The following PDZRN3 variants were observed in gnomAD, a reference collection of about 807,000 sequenced individuals.
PDZRN3 encodes PDZ domain containing ring finger 3, also known as E3 ubiquitin-protein ligase PDZRN3.
PDZRN3 carries 38 observed loss-of-function variants against 85.7 expected under a neutral mutation model. That is an observed-to-expected ratio of 0.44 (90% CI 0.34 to 0.58). The LOEUF is 0.58. PDZRN3 is among the 20% of genes least tolerant of loss of function. PDZRN3 has a pLI of 0.01. For synonymous variants in PDZRN3, 759 were observed against 638.0 expected (o/e 1.19, Z -2.86); for missense variants, 1,629 against 1,506.4 (o/e 1.08, Z -1.35).
chr3:73,597,908 G>C (rs564139710), intron 3 of PDZRN3, among the ~76,000 whole-genome samples: 2 of 152,278 alleles, frequency 1.3e-5, no homozygotes, highest in East Asian at 3.9e-4. Context: ...CCATATGACA[G>C]TCAACTGAGA....
chr3:73,490,590 TAAATTC>T (rs1703751804), intron 3 of PDZRN3, among the ~76,000 whole-genome samples: 1 of 152,168 alleles, frequency 6.6e-6, no homozygotes, highest in Non-Finnish European at 1.5e-5. Context: ...TCTCCACCTA[TAAATTC>T]AAATGTGAGC....
chr3:73,433,953 C>T, intron 3 of PDZRN3: 8 of 1,351,866 alleles, frequency 5.9e-6, no homozygotes, highest in Non-Finnish European at 6.7e-6. Flanking sequence ...TACACACAGA[C>T]ATACACGCAC....
intron 3 of PDZRN3, among the ~76,000 whole-genome samples, chr3:73,564,795 G>A (rs1284944593): frequency 6.6e-6 from 1 of 152,188 alleles, no homozygotes; most frequent in African/African-American, 2.4e-5. Context: ...GTGACACTGG[G>A]CAAGCCTAAC....
At chr3:73,507,773 G>GT (rs752488950) in intron 3 of PDZRN3, among the ~76,000 whole-genome samples, 1 of 152,112 alleles carries the variant, frequency 6.6e-6, no homozygotes, top group Non-Finnish European at 1.5e-5. Flanking sequence ...ATTGGCAATT[G>GT]TAAGTCAGAC....
At chr3:73,501,794 C>T (rs1025694571) in intron 3 of PDZRN3, among the ~76,000 whole-genome samples, 1 of 152,106 alleles carries the variant, frequency 6.6e-6, no homozygotes, top group African/African-American at 2.4e-5. Flanking sequence ...GCGGGCAGAT[C>T]ACTTGAGGTC....
intron 1 of PDZRN3, among the ~76,000 whole-genome samples, chr3:73,617,596 G>A (rs545429631): frequency 2.0e-5 from 3 of 152,270 alleles, no homozygotes; most frequent in African/African-American, 7.2e-5. Context: ...GAATACATTT[G>A]GAAGAACTTC....
rs575730939 is a variant in PDZRN3 at position 73,585,567 on chromosome 3, C to T, written c.918+16787G>A. ...CCACCCCTTTGCCGCACCCCCACAC[C>T]CCCAGAAACCCTCAGAAAGTTCCAC... On this transcript the variant is annotated intron_variant, in intron 3 of 9. Coordinates refer to ENST00000263666, the MANE Select transcript of PDZRN3 (RefSeq NM_015009.3). 5.3e-5 allele frequency among the ~76,000 whole-genome samples: 8 copies of T among 152,264 alleles called. No individual in the cohort carries two copies. The South Asian group carries it at 1.2e-3, about 24-fold the overall frequency.
intron 5 of PDZRN3, among the ~76,000 whole-genome samples, chr3:73,399,220 A>G (rs2106715487): frequency 6.6e-6 from 1 of 152,340 alleles, no homozygotes; most frequent in East Asian, 1.9e-4. Flanking sequence ...TAGCTTCTGA[A>G]ACACTTTACA....
At chr3:73,585,310 G>A (rs147704374) in intron 3 of PDZRN3, among the ~76,000 whole-genome samples, 64 of 152,308 alleles carry the variant, frequency 4.2e-4, no homozygotes, top group African/African-American at 1.5e-3. Context: ...CAGCATAACT[G>A]TCATTCTATG....
At chr3:73,467,351 A>G (rs572934781) in intron 3 of PDZRN3, among the ~76,000 whole-genome samples, 6 of 152,354 alleles carry the variant, frequency 3.9e-5, no homozygotes, top group Admixed American at 1.3e-4. Flanking sequence ...TTGTTTCAGT[A>G]TACTCAATGA....
intron 3 of PDZRN3, among the ~76,000 whole-genome samples, chr3:73,580,930 A>T (rs1451618147): frequency 1.3e-5 from 2 of 152,242 alleles, no homozygotes; most frequent in African/African-American, 4.8e-5. Context: ...ATTCTGAAAT[A>T]CAATGCAGCT....
intron 3 of PDZRN3, among the ~76,000 whole-genome samples, chr3:73,411,150 G>A (rs1370237246): frequency 6.6e-6 from 1 of 152,160 alleles, no homozygotes; most frequent in African/African-American, 2.4e-5. Context: ...TAGTATCAAG[G>A]ACAGTATCCT....
Position 73,383,223 on chromosome 3 carries a change from G to A in PDZRN3, c.*142C>T. On this transcript the variant is annotated 3_prime_UTR_variant, in exon 10 of 10. Transcript: ENST00000263666. ...CCTTAAAATAGACCTATGACACCCA[G>A]AGTTGTAGGGTTTGCAAATTTGGAC... 3 of 699,934 alleles carry A rather than the reference G, an allele frequency of 4.3e-6. No homozygotes were observed. Among genetic ancestry groups the A allele is most frequent in the Non-Finnish European group, 7.2e-6 (3 of 417,582 alleles). 43.4% of individuals were successfully genotyped at this position (699,934 alleles called of 1,614,324 possible). A position where few individuals can be genotyped will look rare whatever the true frequency, so the allele number is the denominator to read the frequency against.
rs1483409811 is a variant in PDZRN3, at chr3:73,384,918, C to G, written c.1648G>C (p.Glu550Gln). 1 of 1,600,194 alleles carries G rather than the reference C, an allele frequency of 6.2e-7. No homozygotes were observed. The highest frequency in any genetic ancestry group is 8.5e-7 in the Non-Finnish European group (1 of 1,172,070). Residue 550 changes from glutamate (E) to glutamine (Q), a missense_variant, in exon 10 of 10, where the codon GAA (glutamate) becomes CAA (glutamine). Transcript: ENST00000263666. ...ASVLQQKKHD[E>Q]DGGTTDTATI... The stretch of plus-strand genomic sequence containing the variant: ...GCTGTATCTGTGGTCCCACCGTCTT[C>G]GTCGTGCTTCTTCTGCATAAACACA...
At chr3:73,466,302 T>C (rs1486197349) in intron 3 of PDZRN3, among the ~76,000 whole-genome samples, 3 of 149,676 alleles carry the variant, frequency 2.0e-5, no homozygotes, top group African/African-American at 7.5e-5. Flanking sequence ...TATCACAGGA[T>C]AGGACTACAA....
chr3:73,606,390 C>T (rs1028098353), intron 2 of PDZRN3, among the ~76,000 whole-genome samples: 2 of 152,194 alleles, frequency 1.3e-5, no homozygotes, highest in Non-Finnish European at 2.9e-5. Context: ...AAGTCTGACC[C>T]TGCTGCTTCC....
intron 3 of PDZRN3, among the ~76,000 whole-genome samples, chr3:73,444,769 T>C (rs560249631): frequency 6.6e-6 from 1 of 152,284 alleles, no homozygotes; most frequent in East Asian, 1.9e-4. Context: ...TGCTTTTTGG[T>C]TTGCTGTGGA....
intron 1 of PDZRN3, among the ~76,000 whole-genome samples, chr3:73,613,525 C>T (rs576783685): frequency 3.1e-4 from 47 of 152,058 alleles, no homozygotes; most frequent in African/African-American, 1.1e-3. Context: ...CTACAGACTG[C>T]TCCAAGTTCT....
intron 3 of PDZRN3, among the ~76,000 whole-genome samples, chr3:73,574,615 C>T (rs1483628035): frequency 3.3e-5 from 5 of 152,102 alleles, no homozygotes; most frequent in African/African-American, 9.7e-5. Flanking sequence ...CCTACCACCA[C>T]GCCCGGCTAA....
Sources: allele counts gnomAD v4.1 joint callset (sites outside exome capture counted in the v4.1 genomes callset), GRCh38; gene constraint gnomAD v4.1.1; transcripts MANE v1.5; gene names NCBI Gene and HGNC (gene_info 2026-07-23, HGNC 2026-07-21).